SORCS2: variants seen among roughly 807,000 people sequenced by gnomAD.
SORCS2 encodes the protein VPS10 domain-containing receptor SorCS2.
In SORCS2, 100 loss-of-function variants were observed where a neutral mutation model predicts 141.6. The ratio of observed to expected loss-of-function variants is 0.71; its 90% CI spans 0.60 to 0.83. The LOEUF (loss-of-function observed/expected upper bound fraction) is 0.83, where lower values mean the gene tolerates loss of function less well. Ranked by LOEUF, SORCS2 falls within the 40% of genes least tolerant of loss-of-function variation. The pLI is 0.00. For synonymous variants in SORCS2, 789 were observed against 676.9 expected (o/e 1.17, Z -2.57); for missense variants, 1,646 against 1,560.2 (o/e 1.05, Z -0.93).
At chr4:7,329,425 A>C (rs1719499637) in intron 1 of SORCS2, among the ~76,000 whole-genome samples, 1 of 152,032 alleles carries the variant, frequency 6.6e-6, no homozygotes, top group Non-Finnish European at 1.5e-5. Context: ...CCACGGTGGC[A>C]ATGGTTAGTG....
intron 19 of SORCS2, among the ~76,000 whole-genome samples, chr4:7,724,630 G>GTGT (rs1362150027): frequency 7.7e-6 from 1 of 129,496 alleles, no homozygotes; most frequent in African/African-American, 2.9e-5. Flanking sequence ...GATGGTGATG[G>GTGT]TGGTGATGGT....
chr4:7,252,405 G>A (rs1441818228), intron 1 of SORCS2, among the ~76,000 whole-genome samples: 1 of 152,182 alleles, frequency 6.6e-6, no homozygotes, highest in African/African-American at 2.4e-5. Flanking sequence ...AGAGCAAACC[G>A]CAAGACTCTG....
In SORCS2 at chr4:7,379,842, C is replaced by T. The variant is rs573743133; in HGVS notation, c.481-16446C>T. 7.2e-5 allele frequency among the ~76,000 whole-genome samples: 11 copies of T among 152,340 alleles called. No individual in the cohort carries two copies. The South Asian group carries it at 2.3e-3, about 32-fold the overall frequency. ...CTAGAAAACACGCTGAAGGCAGCTG[C>T]AGAAACTTGCTTTTTAGACATCACC... On this transcript the variant is annotated intron_variant, in intron 1 of 26. Coordinates refer to ENST00000507866, the MANE Select transcript of SORCS2 (RefSeq NM_020777.3).
At chr4:7,231,414 G>A (rs1711873821) in intron 1 of SORCS2, among the ~76,000 whole-genome samples, 1 of 148,430 alleles carries the variant, frequency 6.7e-6, no homozygotes, top group Admixed American at 6.6e-5. Flanking sequence ...CCAAATATCT[G>A]GGCACCCCAT....
chr4:7,718,417 G>T lies in SORCS2; in HGVS notation c.2424+234G>T, dbSNP rs28678010. Among the ~76,000 whole-genome samples, 6 of 152,348 alleles carry T rather than the reference G, an allele frequency of 3.9e-5. No individual in the cohort carries two copies. The South Asian group carries it at 1.0e-3, about 26-fold the overall frequency. On this transcript the variant is annotated intron_variant, in intron 18 of 26. Coordinates refer to ENST00000507866, the MANE Select transcript of SORCS2 (RefSeq NM_020777.3). ...TGAAGGAGAATAGAGTAGGACGTAG[G>T]GGGTATTAGGGTCCCCGCAGAGCAG...
chr4:7,385,412 C>T (rs1053675311), intron 1 of SORCS2, among the ~76,000 whole-genome samples: 1 of 152,206 alleles, frequency 6.6e-6, no homozygotes, highest in Non-Finnish European at 1.5e-5. Context: ...GCCAGCCCAG[C>T]CAGCACTGTT....
intron 2 of SORCS2, among the ~76,000 whole-genome samples, chr4:7,485,906 C>A (rs992103584): frequency 3.3e-5 from 5 of 152,160 alleles, no homozygotes; most frequent in Middle Eastern, 3.2e-3. Flanking sequence ...GATGTGGCAC[C>A]ATGGGGCTTC....
At chr4:7,390,047 T>A (rs554287304) in intron 1 of SORCS2, among the ~76,000 whole-genome samples, 2 of 152,158 alleles carry the variant, frequency 1.3e-5, no homozygotes, top group African/African-American at 4.8e-5. Flanking sequence ...GGAAGCTGCA[T>A]GGCCAGTCCC....
intron 2 of SORCS2, among the ~76,000 whole-genome samples, 183 bp downstream of exon 2, chr4:7,396,538 C>A (rs1354013983): frequency 6.6e-6 from 1 of 152,214 alleles, no homozygotes; most frequent in Non-Finnish European, 1.5e-5. Context: ...ACAGTTTGGG[C>A]AGTGGGTATA....
chr4:7,481,809 C>T (rs62277652), intron 2 of SORCS2, among the ~76,000 whole-genome samples: 39,113 of 151,992 alleles, frequency 0.26, 6,505 homozygotes, highest in Middle Eastern at 0.38. Context: ...GAGGGTGTGC[C>T]CAGCAACGAG....
chr4:7,489,880 CT>C (rs1731214088), intron 2 of SORCS2, among the ~76,000 whole-genome samples: 2 of 152,166 alleles, frequency 1.3e-5, no homozygotes, highest in South Asian at 4.1e-4. Flanking sequence ...ACTGACAGGG[CT>C]CTGGAGCCAC....
chr4:7,734,117 G>A (rs1223574684), intron 24 of SORCS2, among the ~76,000 whole-genome samples, 155 bp from the exon 25 acceptor site: 1 of 142,524 alleles, frequency 7.0e-6, no homozygotes, highest in Non-Finnish European at 1.5e-5. Flanking sequence ...ATGGGCTGAA[G>A]ACAGGCAGGA....
chr4:7,303,922 G>C (rs1676229281), intron 1 of SORCS2, among the ~76,000 whole-genome samples: 1 of 152,272 alleles, frequency 6.6e-6, no homozygotes, highest in Admixed American at 6.5e-5. Context: ...GGGCCAAGGG[G>C]TCACCACGGC....
In SORCS2 at chr4:7,728,375, G is replaced by A; in HGVS notation, c.2895G>A (p.Gln965=). ...ATCAATTTCAAGTCATGCCTCTGCA[G>A]TTTTCCAAGGAGCTGGATGCCTACA... is the stretch of plus-strand genomic sequence containing the variant. ...VLDQFQVMPL[Q]FSKELDAYNP... Residue 965 remains glutamine (Q), a synonymous_variant, in exon 22 of 27, where the codon CAG becomes CAA. Coordinates refer to ENST00000507866, the MANE Select transcript of SORCS2 (RefSeq NM_020777.3). 1 of 1,613,806 alleles carries A rather than the reference G, an allele frequency of 6.2e-7. No individual in the cohort carries two copies. Among genetic ancestry groups the A allele is most frequent in the Non-Finnish European group, 8.5e-7 (1 of 1,179,846 alleles).
At chr4:7,478,894 C>A (rs1273982719) in intron 2 of SORCS2, among the ~76,000 whole-genome samples, 1 of 152,178 alleles carries the variant, frequency 6.6e-6, no homozygotes, top group Non-Finnish European at 1.5e-5. Context: ...TGGCAGGGGG[C>A]CTCGGCCAAG....
At chr4:7,223,538 G>T (rs1374567791) in intron 1 of SORCS2, among the ~76,000 whole-genome samples, 3 of 152,148 alleles carry the variant, frequency 2.0e-5, no homozygotes, top group Non-Finnish European at 4.4e-5. Flanking sequence ...CTCTTTATCT[G>T]TGTGTCTGGT....
rs761001958 is a variant in SORCS2 at position 7,411,404 on chromosome 4, C to T, written c.548+15049C>T. ...TCTGCCTTTTTCCTTCCCTTGCTCC[C>T]CCTTTCCCATGTATCCATCCACCTA... On this transcript the variant is annotated intron_variant, in intron 2 of 26. Coordinates refer to ENST00000507866, the MANE Select transcript of SORCS2 (RefSeq NM_020777.3). 3.8e-4 allele frequency among the ~76,000 whole-genome samples: 58 copies of T among 152,102 alleles called. 1 individual carries two copies. The highest frequency in any genetic ancestry group is 1.9e-4 in the Non-Finnish European group (13 of 68,028).
intron 1 of SORCS2, among the ~76,000 whole-genome samples, chr4:7,293,269 A>T (rs1041372338): frequency 1.2e-4 from 18 of 150,224 alleles, no homozygotes; most frequent in African/African-American, 4.4e-4. Flanking sequence ...GCGCCACTGC[A>T]CTCTAGCCTG....
At chr4:7,454,083 G>T (rs1577590330) in intron 2 of SORCS2, among the ~76,000 whole-genome samples, 1 of 127,692 alleles carries the variant, frequency 7.8e-6, no homozygotes, top group African/African-American at 3.1e-5. Flanking sequence ...GGGGTCAGGT[G>T]CTGTGTGTTG....
Sources: gnomAD v4.1 joint callset for allele counts (sites outside exome capture counted in the v4.1 genomes callset) on GRCh38, gnomAD v4.1.1 for gene constraint, MANE v1.5 for transcripts, NCBI Gene and HGNC (gene_info 2026-07-23, HGNC 2026-07-21) for gene names.